The following CC2D2B variants were observed in gnomAD, a reference collection of about 807,000 sequenced individuals.
The protein encoded by CC2D2B is coiled-coil and C2 domain containing 2B, also known as protein CC2D2B.
CC2D2B carries 128 observed loss-of-function variants against 161.2 expected under a neutral mutation model. The observed-to-expected ratio is 0.79, with a 90% CI of 0.69 to 0.92. CC2D2B has a LOEUF of 0.92. CC2D2B is among the 40% of genes least tolerant of loss of function. CC2D2B has a pLI of 0.00. For synonymous variants in CC2D2B, 391 were observed against 449.8 expected, an observed-to-expected ratio of 0.87 and a Z score of 1.65; for missense variants, 1,173 against 1,375.1, an observed-to-expected ratio of 0.85 and a Z score of 2.32.
intron 2 of CC2D2B, among the ~76,000 whole-genome samples, chr10:95,911,980 A>G (rs1566300809): frequency 6.6e-6 from 1 of 152,180 alleles, no homozygotes; most frequent in Admixed American, 6.5e-5. Flanking sequence ...TGTTGACCTT[A>G]TTCAGTAGTT....
In CC2D2B at chr10:96,025,382, A is replaced by AG. The variant is rs1456452073; in HGVS notation, c.3947+471_3947+472insG. On this transcript the variant is annotated intron_variant, in intron 33 of 34. Coordinates refer to ENST00000646931, the MANE Select transcript of CC2D2B (RefSeq NM_001349008.3). ...GCCTTGCAAAAAAAAAAAAAAAAAA[A>AG]AAAGTTCCATTGAACCACCTGGTTC... 2.7e-5 allele frequency among the ~76,000 whole-genome samples: 4 copies of AG among 148,678 alleles called. No individual in the cohort carries two copies. The East Asian group carries it at 7.8e-4, about 29-fold the overall frequency.
chr10:95,992,492 G>A (rs1407484426), intron 21 of CC2D2B, 35 bp from the exon 22 acceptor site: 19 of 1,230,240 alleles, frequency 1.5e-5, no homozygotes, highest in South Asian at 4.1e-5. Flanking sequence ...CCAAGAAAAC[G>A]TAAATGAGGC....
chr10:95,993,942 GTATGTATGTGTATATATATATATATA>G (rs1241533700), intron 22 of CC2D2B, among the ~76,000 whole-genome samples: 19 of 25,380 alleles, frequency 7.5e-4, no homozygotes, highest in Non-Finnish European at 1.5e-3. Context: ...GTGTGTGTGT[GTATGTATGTGTATATATATATATATA>G]TATATATATA....
chr10:95,974,622 G>T (rs1385547143), intron 17 of CC2D2B, among the ~76,000 whole-genome samples: 1 of 152,086 alleles, frequency 6.6e-6, no homozygotes, highest in African/African-American at 2.4e-5. Flanking sequence ...TCCATAATGT[G>T]CTATGTTTGA....
At chr10:95,957,463 C>G (rs1209047890) in intron 11 of CC2D2B, among the ~76,000 whole-genome samples, 5 of 151,800 alleles carry the variant, frequency 3.3e-5, no homozygotes, top group Non-Finnish European at 7.4e-5. Flanking sequence ...ACCACACATA[C>G]CCAGGGAAAG....
intron 25 of CC2D2B, among the ~76,000 whole-genome samples, chr10:96,006,719 T>C (rs1160100031): frequency 6.6e-6 from 1 of 152,144 alleles, no homozygotes; most frequent in Non-Finnish European, 1.5e-5. Flanking sequence ...AGAGACTAAA[T>C]ACACAGATAT....
At chr10:95,913,033 C>A (rs2098509286) in intron 2 of CC2D2B, among the ~76,000 whole-genome samples, 1 of 151,948 alleles carries the variant, frequency 6.6e-6, no homozygotes, top group Non-Finnish European at 1.5e-5. Flanking sequence ...CCATAGCCAC[C>A]CTTTTGTGCT....
rs560774214 is a variant in CC2D2B at position 96,023,584 on chromosome 10, G to A, written c.3889-1269G>A. Among the ~76,000 whole-genome samples, 13 of 152,348 alleles carry A rather than the reference G, an allele frequency of 8.5e-5. No individual in the cohort carries two copies. The South Asian group carries it at 1.9e-3, about 22-fold the overall frequency. ...GTTGCCCAGTGAGGAGTAGACAGCC[G>A]TTGGTGACAGTAATCAGGGAATTCC... On this transcript the variant is annotated intron_variant, in intron 32 of 34. Coordinates refer to ENST00000646931, the MANE Select transcript of CC2D2B (RefSeq NM_001349008.3).
chr10:95,998,968 C>A (rs767863939), intron 24 of CC2D2B, among the ~76,000 whole-genome samples: 2 of 152,120 alleles, frequency 1.3e-5, no homozygotes, highest in Admixed American at 1.3e-4. Context: ...GTAATCCCAG[C>A]TACTTGGGAG....
chr10:96,022,307 A>G (rs6584048), intron 32 of CC2D2B, among the ~76,000 whole-genome samples: 111,521 of 152,052 alleles, frequency 0.73, 41,652 homozygotes, highest in African/African-American at 0.87. Flanking sequence ...GGGCAACAGA[A>G]TGAGACTCTG....
intron 11 of CC2D2B, among the ~76,000 whole-genome samples, chr10:95,957,409 C>T (rs889239645): frequency 5.9e-5 from 9 of 151,936 alleles, no homozygotes; most frequent in African/African-American, 9.7e-5. Flanking sequence ...TTAAAGACTA[C>T]GACATTTAAA....
intron 3 of CC2D2B, among the ~76,000 whole-genome samples, chr10:95,923,249 TTG>T (rs138330203): frequency 1.2e-4 from 18 of 150,418 alleles, no homozygotes; most frequent in Non-Finnish European, 2.5e-4. Flanking sequence ...GCCCCCAAAT[TTG>T]TGTGTGTGTG....
At chr10:96,003,602 G>A (rs1292713389) in intron 24 of CC2D2B, among the ~76,000 whole-genome samples, 5 of 150,172 alleles carry the variant, frequency 3.3e-5, no homozygotes, top group Admixed American at 6.6e-5. Context: ...GTGTGTGTGT[G>A]TGTGTGTGTG....
intron 1 of CC2D2B, among the ~76,000 whole-genome samples, chr10:95,910,384 G>T (rs1355074430): frequency 6.6e-6 from 1 of 152,166 alleles, no homozygotes; most frequent in Non-Finnish European, 1.5e-5. Flanking sequence ...TTCTGGTGAG[G>T]GCATCAGGGA....
intron 6 of CC2D2B, among the ~76,000 whole-genome samples, chr10:95,937,414 A>G (rs555778129): frequency 1.3e-5 from 2 of 152,262 alleles, no homozygotes; most frequent in South Asian, 4.1e-4. Flanking sequence ...TTAGTAATGT[A>G]TCTGTTTCCA....
At chr10:96,019,606 TGA>T (rs2079365556) in intron 31 of CC2D2B, 94 bp from the exon 32 acceptor site, 2 of 1,214,440 alleles carry the variant, frequency 1.6e-6, no homozygotes, top group Admixed American at 5.2e-5. Context: ...GCCACTTCAT[TGA>T]GTAGTAAGAC....
intron 9 of CC2D2B, among the ~76,000 whole-genome samples, chr10:95,944,101 C>T (rs992112967): frequency 1.3e-5 from 2 of 152,084 alleles, no homozygotes; most frequent in Non-Finnish European, 2.9e-5. Flanking sequence ...TAGCATTGAA[C>T]GAATGCTTAT....
chr10:95,937,943 C>A (rs2075884940), intron 6 of CC2D2B, 48 bp from the exon 7 acceptor site: 2 of 1,098,076 alleles, frequency 1.8e-6, no homozygotes, highest in African/African-American at 1.6e-5. Context: ...GCATATTAAT[C>A]ATTGGAGACA....
At chr10:95,935,955 TTGAA>T (rs1395772476) in intron 6 of CC2D2B, among the ~76,000 whole-genome samples, 1 of 152,208 alleles carries the variant, frequency 6.6e-6, no homozygotes, top group Admixed American at 6.5e-5. Context: ...CAATGAATAT[TTGAA>T]TGAATATTGA....
Sources: gnomAD v4.1 joint callset for allele counts (sites outside exome capture counted in the v4.1 genomes callset) on GRCh38, gnomAD v4.1.1 for gene constraint, MANE v1.5 for transcripts, NCBI Gene and HGNC (gene_info 2026-07-23, HGNC 2026-07-21) for gene names.